KIF1B: variants seen among roughly 807,000 people sequenced by gnomAD.
KIF1B encodes the protein kinesin family member 1B, also known as kinesin-like protein KIF1B.
KIF1B carries 76 observed loss-of-function variants against 241.9 expected under a neutral mutation model. The observed-to-expected ratio is 0.31, with a 90% CI of 0.26 to 0.38. KIF1B has a LOEUF of 0.38. Among genes scored for constraint, KIF1B ranks in the 10% least tolerant of loss-of-function variants. KIF1B has a pLI of 1.00. For synonymous variants in KIF1B, 750 were observed against 796.7 expected (o/e 0.94, Z 0.99); for missense variants, 1,622 against 2,271.4 (o/e 0.71, Z 5.81).
rs865834306 is a variant in KIF1B, at chr1:10,212,904, A to G, written c.-80+2026A>G. Among the ~76,000 whole-genome samples the G allele has an allele frequency of 9.2e-3, 1,024 of 111,790 alleles. 24 individuals are homozygous for G. Among genetic ancestry groups the G allele is most frequent in the Middle Eastern group, 0.038 (9 of 234 alleles). The allele number at this position is 111,790 out of a possible 152,430, so 73.3% of individuals were successfully genotyped here. A position where few individuals can be genotyped will look rare whatever the true frequency, so the allele number is the denominator to read the frequency against. ...CATGCGTGTGTGTATATATATATATATATATATATATATATATATATATAT... is the reference window on the plus strand; with the variant it reads ...CATGCGTGTGTGTATATATATATATGTATATATATATATATATATATATAT... On this transcript the variant is annotated intron_variant, in intron 1 of 48. Coordinates refer to ENST00000676179, the MANE Select transcript of KIF1B (RefSeq NM_001365951.3).
At chr1:10,277,281 TAAAAAAAA>T (rs561759889) in intron 12 of KIF1B, among the ~76,000 whole-genome samples, 1 of 141,548 alleles carries the variant, frequency 7.1e-6, no homozygotes, top group Non-Finnish European at 1.6e-5. Flanking sequence ...CTCTGTCTCT[TAAAAAAAA>T]AAAAAGAAAA....
chr1:10,366,567 C>T (rs1464870585), intron 43 of KIF1B, among the ~76,000 whole-genome samples: 9 of 152,116 alleles, frequency 5.9e-5, no homozygotes, highest in Non-Finnish European at 1.0e-4. Flanking sequence ...GGGGAATTCA[C>T]GTGGGACTGG....
At chr1:10,363,475 T>C in intron 41 of KIF1B, 131 bp downstream of exon 41, 2 of 757,070 alleles carry the variant, frequency 2.6e-6, no homozygotes, top group Non-Finnish European at 4.7e-6. Flanking sequence ...GTGGATCACC[T>C]GAGTCCAGGA....
chr1:10,242,987 G>A (rs142840810), intron 2 of KIF1B, among the ~76,000 whole-genome samples: 14 of 152,280 alleles, frequency 9.2e-5, no homozygotes, highest in African/African-American at 3.4e-4. Context: ...CTGTGGGGCC[G>A]GAAGTATCAG....
At chr1:10,249,456 G>A (rs1324455632) in intron 2 of KIF1B, among the ~76,000 whole-genome samples, 1 of 152,068 alleles carries the variant, frequency 6.6e-6, no homozygotes, top group Non-Finnish European at 1.5e-5. Context: ...ACACATGGAG[G>A]GCATTCATTT....
chr1:10,361,463 T>A (rs574193252), intron 39 of KIF1B, among the ~76,000 whole-genome samples: 1 of 152,320 alleles, frequency 6.6e-6, no homozygotes, highest in East Asian at 1.9e-4. Flanking sequence ...CTCAGTTTCC[T>A]CACCTATCAG....
At chr1:10,266,943 T>C (rs1010182283) in intron 5 of KIF1B, among the ~76,000 whole-genome samples, 23 of 148,344 alleles carry the variant, frequency 1.6e-4, no homozygotes, top group Non-Finnish European at 3.1e-4. Context: ...TCTCTAATCT[T>C]AGAGCTTTTA....
intron 2 of KIF1B, among the ~76,000 whole-genome samples, chr1:10,240,720 C>CT (rs771359959): frequency 0.037 from 3,790 of 103,324 alleles, 57 homozygotes; most frequent in Middle Eastern, 0.11. Context: ...ATGGGTAGTT[C>CT]ATTTTTTTTT....
intron 43 of KIF1B, among the ~76,000 whole-genome samples, chr1:10,367,538 AT>A (rs111301088): frequency 0.33 from 46,568 of 143,208 alleles, 7,536 homozygotes; most frequent in Middle Eastern, 0.38. Flanking sequence ...TCTTTATTAA[AT>A]TTTTTTTTTT....
At chr1:10,296,745 G>A in intron 20 of KIF1B, 80 bp downstream of exon 20, 1 of 1,439,492 alleles carries the variant, frequency 6.9e-7, no homozygotes. Context: ...CTGTTTAAAG[G>A]CTGAAGTAAT....
chr1:10,234,059 A>G (rs1196860651), intron 2 of KIF1B, among the ~76,000 whole-genome samples: 1 of 152,192 alleles, frequency 6.6e-6, no homozygotes, highest in African/African-American at 2.4e-5. Flanking sequence ...CTTTTCCACC[A>G]TAATTTGTCC....
rs745772393 is a variant in KIF1B at position 10,306,757 on chromosome 1, TAAAAAAAAAAAAAA to T, written c.2115+9525_2115+9538del. The T allele has an allele frequency of 1.8e-5, 10 of 566,870 alleles. No homozygotes were observed. The South Asian group carries it at 2.6e-4, about 15-fold the overall frequency. 35.1% of individuals were successfully genotyped at this position (566,870 alleles called of 1,614,324 possible). ...GGACAACAGAGTGAGAACCTGTCTTTAAAAAAAAAAAAAAAAAAAAAAAAAAAGGTAATATTTAT... is the reference window on the plus strand; with the variant it reads ...GGACAACAGAGTGAGAACCTGTCTTTAAAAAAAAAAAAAGGTAATATTTAT... On this transcript the variant is annotated intron_variant, in intron 22 of 48. Coordinates refer to ENST00000676179, the MANE Select transcript of KIF1B (RefSeq NM_001365951.3).
intron 32 of KIF1B, among the ~76,000 whole-genome samples, chr1:10,340,913 C>G (rs1260615508): frequency 6.6e-6 from 1 of 152,232 alleles, no homozygotes; most frequent in Non-Finnish European, 1.5e-5. Flanking sequence ...CTCTCATTCT[C>G]TTGCTAACCA....
At chr1:10,302,292 C>T (rs1347771287) in intron 22 of KIF1B, among the ~76,000 whole-genome samples, 1 of 151,898 alleles carries the variant, frequency 6.6e-6, no homozygotes, top group African/African-American at 2.4e-5. Flanking sequence ...CAAAACACAC[C>T]CACTATGAGG....
intron 24 of KIF1B, 73 bp from the exon 25 acceptor site, chr1:10,323,811 A>T: frequency 8.1e-7 from 1 of 1,236,600 alleles, no homozygotes; most frequent in South Asian, 1.2e-5. Context: ...CCCATTGGGT[A>T]TGATTGTATC....
At chr1:10,274,943 C>T (rs762844093) in intron 10 of KIF1B, 2 of 392,066 alleles carry the variant, frequency 5.1e-6, no homozygotes, top group Non-Finnish European at 9.9e-6. Context: ...ATGATATGGA[C>T]AGGATATTAG....
chr1:10,357,964 G>A (rs553595012), intron 38 of KIF1B, among the ~76,000 whole-genome samples: 114 of 151,954 alleles, frequency 7.5e-4, no homozygotes, highest in Middle Eastern at 3.4e-3. Flanking sequence ...AGCCAAGATC[G>A]CACCATTGCA....
intron 22 of KIF1B, chr1:10,304,073 A>G (rs773451541): frequency 6.2e-7 from 1 of 1,612,880 alleles, no homozygotes; most frequent in South Asian, 1.1e-5. Flanking sequence ...TTCCCCTTTA[A>G]GAGCAACCCT....
intron 12 of KIF1B, among the ~76,000 whole-genome samples, chr1:10,277,079 CA>C (rs1321482091): frequency 0.032 from 3,046 of 94,686 alleles, 40 homozygotes; most frequent in Non-Finnish European, 0.043. Flanking sequence ...GACTCCATCT[CA>C]AAAAAAAAAA....
Sources: gnomAD v4.1 joint callset for allele counts (sites outside exome capture counted in the v4.1 genomes callset) on GRCh38, gnomAD v4.1.1 for gene constraint, MANE v1.5 for transcripts, NCBI Gene and HGNC (gene_info 2026-07-23, HGNC 2026-07-21) for gene names.